RUNDC3B: variants seen among roughly 807,000 people sequenced by gnomAD.
RUNDC3B encodes RUN domain-containing protein 3B.
RUNDC3B carries 33 observed loss-of-function variants against 58.4 expected under a neutral mutation model. The ratio of observed to expected loss-of-function variants is 0.56; its 90% confidence interval spans 0.43 to 0.75. The LOEUF (loss-of-function observed/expected upper bound fraction) is 0.75, where lower values mean the gene tolerates loss of function less well. RUNDC3B is among the 30% of genes least tolerant of loss of function. RUNDC3B has a pLI of 0.00. For synonymous variants in RUNDC3B, 193 were observed against 195.2 expected, an observed-to-expected ratio of 0.99 and a Z score of 0.10; for missense variants, 501 against 535.7, an observed-to-expected ratio of 0.94 and a Z score of 0.64.
intron 1 of RUNDC3B, among the ~76,000 whole-genome samples, chr7:87,642,927 C>G (rs2130307699): frequency 6.6e-6 from 1 of 151,868 alleles, no homozygotes; most frequent in African/African-American, 2.4e-5. Context: ...TAAAATTTTC[C>G]TTTTTAGAGA....
chr7:87,787,577 G>C (rs1835289834), intron 8 of RUNDC3B, among the ~76,000 whole-genome samples: 1 of 151,968 alleles, frequency 6.6e-6, no homozygotes, highest in Non-Finnish European at 1.5e-5. Flanking sequence ...TTTGTAGTTT[G>C]GGCAACAGAG....
chr7:87,824,642 A>G (rs1161033306), intron 10 of RUNDC3B, among the ~76,000 whole-genome samples: 5 of 152,180 alleles, frequency 3.3e-5, no homozygotes, highest in Non-Finnish European at 7.3e-5. Context: ...AGAGCTCAGA[A>G]GAAGACAGGA....
chr7:87,700,665 A>G (rs1828951444), intron 3 of RUNDC3B, 111 bp downstream of exon 3: 1 of 945,550 alleles, frequency 1.1e-6, no homozygotes, highest in Non-Finnish European at 1.6e-6. Flanking sequence ...TAAGAAGCAT[A>G]ATAAAATACG....
intron 4 of RUNDC3B, among the ~76,000 whole-genome samples, chr7:87,738,378 G>C (rs151135838): frequency 1.9e-4 from 29 of 152,048 alleles, no homozygotes; most frequent in Admixed American, 1.9e-3. Context: ...TGTTAGGCCA[G>C]AAGTTTTCAT....
intron 2 of RUNDC3B, among the ~76,000 whole-genome samples, chr7:87,670,281 G>T (rs1825693082): frequency 6.6e-6 from 1 of 152,112 alleles, no homozygotes; most frequent in Non-Finnish European, 1.5e-5. Context: ...ACTTGTAATT[G>T]CATTGTGAAA....
At chr7:87,643,431 G>A (rs1438184484) in intron 1 of RUNDC3B, among the ~76,000 whole-genome samples, 3 of 152,048 alleles carry the variant, frequency 2.0e-5, no homozygotes, top group Non-Finnish European at 4.4e-5. Context: ...TATGTGAAAG[G>A]TATTTTTTCT....
At position 87,642,700 on chromosome 7, in the gene RUNDC3B, C is replaced by A. The variant is rs542141119; in HGVS notation, c.123-8122C>A. Among the ~76,000 whole-genome samples, 7 of 152,134 alleles carry A rather than the reference C, an allele frequency of 4.6e-5. No individual in the cohort carries two copies. In the East Asian group the frequency reaches 1.4e-3, roughly 29 times the overall value. On this transcript the variant is annotated intron_variant, in intron 1 of 10. Coordinates refer to ENST00000394654, the MANE Select transcript of RUNDC3B (RefSeq NM_001134405.2). ...TGAAGCTGGAAACCATCATTCTCAG[C>A]AAACTGTCTTTTTTATTTTAAGAGT...
intron 9 of RUNDC3B, among the ~76,000 whole-genome samples, chr7:87,811,554 C>G (rs1836717514): frequency 6.6e-6 from 1 of 152,046 alleles, no homozygotes; most frequent in Non-Finnish European, 1.5e-5. Context: ...GCCAGGATGG[C>G]CTCGATCTCT....
intron 4 of RUNDC3B, among the ~76,000 whole-genome samples, chr7:87,720,388 A>G (rs563830327): frequency 6.6e-6 from 1 of 152,084 alleles, no homozygotes; most frequent in Non-Finnish European, 1.5e-5. Flanking sequence ...TGGAAAATGC[A>G]CTCCCATGAA....
rs1180983694 is a variant in RUNDC3B at position 87,819,796 on chromosome 7, A to G, written c.1225+3534A>G. 4.6e-5 allele frequency among the ~76,000 whole-genome samples: 7 copies of G among 152,364 alleles called. No homozygotes were observed. The South Asian group carries it at 1.5e-3, about 32-fold the overall frequency. On this transcript the variant is annotated intron_variant, in intron 10 of 10. Coordinates refer to ENST00000394654, the MANE Select transcript of RUNDC3B (RefSeq NM_001134405.2). The stretch of plus-strand genomic sequence containing the variant: ...CTGCTCCTGAGTGACTACTGGGTAC[A>G]TAACGAAATGAAGGCAGAAATAAAG...
intron 6 of RUNDC3B, among the ~76,000 whole-genome samples, chr7:87,764,049 TTC>T (rs1196619169): frequency 1.3e-5 from 2 of 151,868 alleles, no homozygotes; most frequent in South Asian, 4.1e-4. Flanking sequence ...TTCTGGTATT[TTC>T]TCTCTCTTCA....
intron 8 of RUNDC3B, among the ~76,000 whole-genome samples, chr7:87,797,730 T>C (rs10256319): frequency 0.048 from 7,345 of 152,290 alleles, 264 homozygotes; most frequent in East Asian, 0.092. Context: ...TGTTAAGTTT[T>C]AGAGTAAGAC....
chr7:87,700,467 C>G lies in RUNDC3B; in HGVS notation c.285C>G (p.Asp95Glu). 2 of 1,613,274 alleles carry G rather than the reference C, an allele frequency of 1.2e-6. No homozygotes were observed. Among genetic ancestry groups the G allele is most frequent in the Non-Finnish European group, 1.7e-6 (2 of 1,179,498 alleles). Reference protein sequence around the residue: ...FGYESPRSFWDYIRVACRKVS... With the variant: ...FGYESPRSFWEYIRVACRKVS... ...ATGAAAGTCCTCGTAGCTTCTGGGA[C>G]TATATCAGAGTGGCTTGCCGGAAAG... The change falls in exon 3 of 11, where the codon GAC (aspartate) becomes GAG (glutamate). Residue 95 changes from aspartate to glutamate, a missense_variant. Coordinates refer to ENST00000394654, the MANE Select transcript of RUNDC3B (RefSeq NM_001134405.2).
chr7:87,743,905 G>A (rs868492543), intron 6 of RUNDC3B, among the ~76,000 whole-genome samples: 1 of 152,176 alleles, frequency 6.6e-6, no homozygotes, highest in African/African-American at 2.4e-5. Context: ...TATCTAGAAG[G>A]GTTTTTCCAA....
intron 2 of RUNDC3B, among the ~76,000 whole-genome samples, chr7:87,654,774 C>A (rs946720386): frequency 5.9e-5 from 9 of 151,832 alleles, no homozygotes; most frequent in African/African-American, 2.2e-4. Context: ...AGACAATTTA[C>A]AAAAAGGGAA....
intron 2 of RUNDC3B, among the ~76,000 whole-genome samples, chr7:87,656,298 A>G (rs1019687470): frequency 6.6e-6 from 1 of 152,070 alleles, no homozygotes; most frequent in African/African-American, 2.4e-5. Flanking sequence ...TAATACAGTT[A>G]TAAGTTTATT....
chr7:87,684,673 A>G (rs1827268912), intron 2 of RUNDC3B, among the ~76,000 whole-genome samples: 1 of 143,034 alleles, frequency 7.0e-6, no homozygotes, highest in Non-Finnish European at 1.5e-5. Context: ...GCTTGAACCC[A>G]GGAGGCAGAG....
At chr7:87,795,075 T>G (rs1184149472) in intron 8 of RUNDC3B, among the ~76,000 whole-genome samples, 1 of 152,144 alleles carries the variant, frequency 6.6e-6, no homozygotes, top group Non-Finnish European at 1.5e-5. Context: ...CAAAAACTTC[T>G]TGAATAATAG....
chr7:87,803,883 C>T (rs1366417194), intron 8 of RUNDC3B, among the ~76,000 whole-genome samples: 1 of 151,996 alleles, frequency 6.6e-6, no homozygotes. Context: ...CCATATAAGG[C>T]CTCAAGCTGG....
Sources: gnomAD v4.1 joint callset for allele counts (sites outside exome capture counted in the v4.1 genomes callset) on GRCh38, gnomAD v4.1.1 for gene constraint, MANE v1.5 for transcripts, NCBI Gene and HGNC (gene_info 2026-07-23, HGNC 2026-07-21) for gene names.